ERC1: variants seen among roughly 807,000 people sequenced by gnomAD.
ERC1 encodes the protein ELKS/RAB6-interacting/CAST family member 1, also known as RAB6 interacting protein 2.
A neutral mutation model predicts 132.0 loss-of-function variants in ERC1; 56 were observed. The ratio of observed to expected loss-of-function variants is 0.42; its 90% CI spans 0.34 to 0.53. The LOEUF (loss-of-function observed/expected upper bound fraction) is 0.53. Ranked by LOEUF, ERC1 falls within the 20% of genes least tolerant of loss-of-function variation. The pLI, the probability that ERC1 is intolerant of heterozygous loss-of-function variation, is 0.03. For synonymous variants in ERC1, 478 were observed against 476.1 expected, an observed-to-expected ratio of 1.00 and a Z score of -0.05; for missense variants, 1,202 against 1,349.9, an observed-to-expected ratio of 0.89 and a Z score of 1.72.
intron 4 of ERC1, among the ~76,000 whole-genome samples, chr12:1,106,632 A>T (rs1338120592): frequency 1.3e-5 from 2 of 152,218 alleles, no homozygotes; most frequent in African/African-American, 4.8e-5. Context: ...AGTCTTGAGT[A>T]TAATCTTGTA....
intron 13 of ERC1, among the ~76,000 whole-genome samples, chr12:1,251,267 G>T (rs150453059): frequency 9.9e-5 from 15 of 152,024 alleles, no homozygotes; most frequent in Admixed American, 4.6e-4. Context: ...TTTGTCACAT[G>T]CTGGATACAT....
chr12:1,051,800 G>A (rs1057408050), intron 2 of ERC1, among the ~76,000 whole-genome samples: 1 of 152,146 alleles, frequency 6.6e-6, no homozygotes, highest in Non-Finnish European at 1.5e-5. Flanking sequence ...AATTAATAAA[G>A]CACTAAGGCA....
chr12:1,317,318 A>T (rs748243956), intron 15 of ERC1, among the ~76,000 whole-genome samples: 100 of 152,160 alleles, frequency 6.6e-4, no homozygotes, highest in Non-Finnish European at 1.2e-3. Context: ...AAAACCAAAC[A>T]CCGCATGTTC....
intron 13 of ERC1, among the ~76,000 whole-genome samples, chr12:1,254,119 A>AT (rs2076640273): frequency 1.3e-5 from 2 of 152,188 alleles, no homozygotes; most frequent in Non-Finnish European, 2.9e-5. Flanking sequence ...GTGAGTGCAA[A>AT]TGTGGTTAAT....
At chr12:1,342,478 AAAAAC>A (rs1208340531) in intron 15 of ERC1, among the ~76,000 whole-genome samples, 2 of 151,710 alleles carry the variant, frequency 1.3e-5, no homozygotes, top group East Asian at 3.8e-4. Flanking sequence ...CAAAAAAAAA[AAAAAC>A]AAAAAAAAGA....
rs562502829 is a variant in ERC1 at position 1,158,625 on chromosome 12, A to G, written c.1737+16838A>G. 5.6e-5 allele frequency among the ~76,000 whole-genome samples: 5 copies of G among 88,542 alleles called. No individual in the cohort carries two copies. The South Asian group carries it at 1.6e-3, about 29-fold the overall frequency. 58.1% of individuals were successfully genotyped at this position (88,542 alleles called of 152,430 possible). ...TTCTTTTCTTTTTTTTTTTTTTTTT[A>G]TAGTTTTAGTAGAGATGGGGTTTCT... On this transcript the variant is annotated intron_variant, in intron 8 of 18. Coordinates refer to ENST00000360905, the MANE Select transcript of ERC1 (RefSeq NM_178040.4).
chr12:1,236,845 A>C lies in ERC1; in HGVS notation c.2428A>C (p.Met810Leu), dbSNP rs2075447511. ...GGTGGAAAAAAAGAAGAGTGCACAA[A>C]TGTTAGAGGAGGCGCGACGACGGGA... ...EQVEKKKSAQ[M>L]LEEARRREDN... Residue 810 changes from methionine to leucine, a missense_variant, in exon 13 of 19, where the codon ATG becomes CTG. Met to Leu is a conservative substitution (Grantham distance 15). Transcript: ENST00000360905. 1 of 1,613,994 alleles carries C rather than the reference A, an allele frequency of 6.2e-7. No individual in the cohort carries two copies. The highest frequency in any genetic ancestry group is 1.3e-5 in the African/African-American group (1 of 74,942).
chr12:1,381,147 C>T (rs12314672), intron 16 of ERC1: 61,368 of 151,764 alleles, frequency 0.4, 13,591 homozygotes, highest in African/African-American at 0.59. Flanking sequence ...TTGACGGTGC[C>T]TACTTCATAT....
intron 15 of ERC1, among the ~76,000 whole-genome samples, chr12:1,293,865 T>G (rs1297948715): frequency 1.3e-5 from 2 of 152,244 alleles, no homozygotes; most frequent in Non-Finnish European, 2.9e-5. Flanking sequence ...TTTTTTTAAG[T>G]CTGTAGACAT....
chr12:1,240,827 TACTA>T (rs1243196661), intron 13 of ERC1, among the ~76,000 whole-genome samples: 5 of 152,128 alleles, frequency 3.3e-5, no homozygotes, highest in Non-Finnish European at 7.4e-5. Context: ...TTATTTGTAA[TACTA>T]ATATATATAC....
intron 17 of ERC1, among the ~76,000 whole-genome samples, chr12:1,416,916 T>C (rs1215015979): frequency 2.0e-5 from 3 of 152,228 alleles, no homozygotes; most frequent in East Asian, 1.9e-4. Context: ...TGACCACTTA[T>C]AGCATTAATA....
chr12:1,029,555 A>G (rs963424701), intron 2 of ERC1, among the ~76,000 whole-genome samples: 2 of 152,054 alleles, frequency 1.3e-5, no homozygotes, highest in Non-Finnish European at 2.9e-5. Context: ...CATTATAATT[A>G]TGGGCTTTGC....
rs746203928 is a variant in ERC1, at chr12:1,236,836, A to T, written c.2419A>T (p.Ser807Cys). ...KHKEQVEKKK[S>C]AQMLEEARRR... Reference sequence around the variant, plus strand: ...CAAGGAACAGGTGGAAAAAAAGAAGAGTGCACAAATGTTAGAGGAGGCGCG... The same window carrying T: ...CAAGGAACAGGTGGAAAAAAAGAAGTGTGCACAAATGTTAGAGGAGGCGCG... Residue 807 changes from serine (S) to cysteine (C), a missense_variant, in exon 13 of 19, where the codon AGT becomes TGT. Coordinates refer to ENST00000360905, the MANE Select transcript of ERC1 (RefSeq NM_178040.4). 2 of 1,614,038 alleles carry T rather than the reference A, an allele frequency of 1.2e-6. No individual in the cohort carries two copies. The highest frequency in any genetic ancestry group is 1.7e-6 in the Non-Finnish European group (2 of 1,180,018).
intron 12 of ERC1, among the ~76,000 whole-genome samples, chr12:1,210,301 C>A (rs1357391348): frequency 6.6e-6 from 1 of 152,216 alleles, no homozygotes; most frequent in African/African-American, 2.4e-5. Context: ...CCTTCACTGG[C>A]AGCTGGCAGA....
intron 12 of ERC1, among the ~76,000 whole-genome samples, chr12:1,209,688 G>A (rs1957681861): frequency 6.6e-6 from 1 of 152,154 alleles, no homozygotes. Context: ...TTATTTGATG[G>A]ATTTGGTTGG....
intron 18 of ERC1, among the ~76,000 whole-genome samples, chr12:1,463,507 T>C (rs1461070715): frequency 2.0e-5 from 3 of 152,172 alleles, no homozygotes; most frequent in Non-Finnish European, 2.9e-5. Flanking sequence ...CTTTTTGTGA[T>C]GTTTGAACTT....
At chr12:1,187,514 A>C (rs576181437) in intron 11 of ERC1, among the ~76,000 whole-genome samples, 1 of 152,042 alleles carries the variant, frequency 6.6e-6, no homozygotes, top group Non-Finnish European at 1.5e-5. Flanking sequence ...GAATTCTCCC[A>C]GCTTAGCCTC....
chr12:1,272,154 G>T (rs2077903755), intron 14 of ERC1, among the ~76,000 whole-genome samples: 1 of 152,212 alleles, frequency 6.6e-6, no homozygotes, highest in South Asian at 2.1e-4. Context: ...AGCTGTAAAA[G>T]AAATAGTTAC....
At chr12:1,025,861 C>T (rs893791448) in intron 1 of ERC1, among the ~76,000 whole-genome samples, 3 of 145,544 alleles carry the variant, frequency 2.1e-5, no homozygotes, top group South Asian at 2.1e-4. Flanking sequence ...TGCAGTGGCG[C>T]GATCTCGGCT....
Sources: allele counts gnomAD v4.1 joint callset (sites outside exome capture counted in the v4.1 genomes callset), GRCh38; gene constraint gnomAD v4.1.1; transcripts MANE v1.5; gene names NCBI Gene and HGNC (gene_info 2026-07-23, HGNC 2026-07-21).